KIAA1549: variants seen among roughly 807,000 people sequenced by gnomAD.
The protein encoded by KIAA1549 is UPF0606 protein KIAA1549.
In KIAA1549, 70 loss-of-function variants were observed where a neutral mutation model predicts 156.4. The ratio of observed to expected loss-of-function variants is 0.45; its 90% CI spans 0.37 to 0.55. KIAA1549 has a LOEUF of 0.55. Ranked by LOEUF, KIAA1549 falls within the 20% of genes least tolerant of loss-of-function variation. The probability of loss-of-function intolerance (pLI) is 0.00; values close to 1 mark genes in which losing one functional copy is unlikely to be tolerated. For synonymous variants in KIAA1549, 1,103 were observed against 1,066.4 expected (o/e 1.03, Z -0.67); for missense variants, 2,428 against 2,540.9 (o/e 0.96, Z 0.96).
At chr7:138,942,639 G>A (rs1191445193) in intron 1 of KIAA1549, among the ~76,000 whole-genome samples, 4 of 152,006 alleles carry the variant, frequency 2.6e-5, no homozygotes, top group South Asian at 2.1e-4. Flanking sequence ...GGCTGGGCAC[G>A]GTGACTCACG....
chr7:138,976,803 G>A (rs759539973), intron 1 of KIAA1549, among the ~76,000 whole-genome samples: 2 of 152,154 alleles, frequency 1.3e-5, no homozygotes, highest in African/African-American at 4.8e-5. Flanking sequence ...CCAATGCTCA[G>A]GGGCTAAAAC....
rs142340867 is a variant in KIAA1549, at chr7:138,933,638, CTG to C, written c.188-14202_188-14201del. On this transcript the variant is annotated intron_variant, in intron 1 of 19. Transcript: ENST00000422774. Reference sequence around the variant, plus strand: ...GCTGAATGAAGGGTATATGGGAACTCTGTGCATTAATTTGCCAACTTTATGTC... The same window carrying C: ...GCTGAATGAAGGGTATATGGGAACTCTGCATTAATTTGCCAACTTTATGTC... Among the ~76,000 whole-genome samples, 18 of 152,316 alleles carry C rather than the reference CTG, an allele frequency of 1.2e-4. No individual in the cohort carries two copies. In the East Asian group the frequency reaches 3.5e-3, roughly 29 times the overall value.
At chr7:138,889,628 A>G (rs1220025140) in intron 10 of KIAA1549, among the ~76,000 whole-genome samples, 2 of 152,198 alleles carry the variant, frequency 1.3e-5, no homozygotes, top group Admixed American at 6.5e-5. Context: ...AACCAAGAAA[A>G]CGGCACGTGT....
At chr7:138,869,833 A>G (rs530976539) in intron 13 of KIAA1549, 72 bp from the exon 14 acceptor site, 3 of 1,007,724 alleles carry the variant, frequency 3.0e-6, no homozygotes, top group Non-Finnish European at 4.4e-6. Context: ...CACTTCGCAA[A>G]GTCTTTATTT....
At chr7:138,962,178 T>C (rs1229255836) in intron 1 of KIAA1549, among the ~76,000 whole-genome samples, 1 of 152,200 alleles carries the variant, frequency 6.6e-6, no homozygotes, top group African/African-American at 2.4e-5. Context: ...ATCAACTTCC[T>C]AGAAGAATGC....
chr7:138,960,740 A>ACT (rs34096058), intron 1 of KIAA1549, among the ~76,000 whole-genome samples: 77,300 of 151,886 alleles, frequency 0.51, 23,020 homozygotes, highest in African/African-American at 0.84. Context: ...ATCTGCGGCC[A>ACT]GAGAGTAAAA....
At position 138,832,191 on chromosome 7, in the gene KIAA1549, CTTTTT is replaced by C. The variant is rs749938588; in HGVS notation, c.*5710_*5714del. 5.6e-4 allele frequency: 81 copies of C among 143,596 alleles called. 2 individuals are homozygous for C. The highest frequency in any genetic ancestry group is 1.0e-3 in the African/African-American group (31 of 30,008). The allele number at this position is 143,596 out of a possible 1,614,324, so 8.9% of individuals were successfully genotyped here. A position where few individuals can be genotyped will look rare whatever the true frequency, so the allele number is the denominator to read the frequency against. ...TCACCTCTGTCCCTTTTACCTATTC[CTTTTT>C]TTTTTTTTTTTTTTTCCAGAGACAG... On this transcript the variant is annotated 3_prime_UTR_variant, in exon 20 of 20. Coordinates refer to ENST00000422774, the MANE Select transcript of KIAA1549 (RefSeq NM_001164665.2).
chr7:138,947,187 CCA>C (rs1813361927), intron 1 of KIAA1549, among the ~76,000 whole-genome samples: 1 of 152,058 alleles, frequency 6.6e-6, no homozygotes, highest in Non-Finnish European at 1.5e-5. Context: ...ACCAGCTGAC[CCA>C]AGATGAAACG....
intron 10 of KIAA1549, among the ~76,000 whole-genome samples, chr7:138,888,907 T>C (rs1327792541): frequency 6.6e-6 from 1 of 152,234 alleles, no homozygotes. Flanking sequence ...GGATGCCACT[T>C]ATTCACAGCT....
chr7:138,846,103 T>C (rs1810064804), intron 17 of KIAA1549, among the ~76,000 whole-genome samples: 1 of 152,206 alleles, frequency 6.6e-6, no homozygotes, highest in Non-Finnish European at 1.5e-5. Context: ...GATTTATGAT[T>C]TTGACTGCCT....
rs1265067558 is a variant in KIAA1549 at position 138,834,068 on chromosome 7, CAA to C, written c.*3836_*3837del. 1.6e-4 allele frequency: 37 copies of C among 228,236 alleles called. No individual in the cohort carries two copies. In the East Asian group the frequency reaches 2.2e-3, roughly 14 times the overall value. 14.1% of individuals were successfully genotyped at this position (228,236 alleles called of 1,614,324 possible). A position where few individuals can be genotyped will look rare whatever the true frequency, so the allele number is the denominator to read the frequency against. ...TTTGCCTGGGTAGCTGCCCTGCCTTCAAAGTCACTTCAGAAGTTGACGTCTCC... is the reference window on the plus strand; with the variant it reads ...TTTGCCTGGGTAGCTGCCCTGCCTTCAGTCACTTCAGAAGTTGACGTCTCC... On this transcript the variant is annotated 3_prime_UTR_variant, in exon 20 of 20. Coordinates refer to ENST00000422774, the MANE Select transcript of KIAA1549 (RefSeq NM_001164665.2).
rs7809481 is a variant in KIAA1549, at chr7:138,925,309, A to G, written c.188-5871T>C. 6.7e-3 allele frequency among the ~76,000 whole-genome samples: 1,017 copies of G among 152,210 alleles called. 24 individuals carry two copies. The highest frequency in any genetic ancestry group is 0.024 in the African/African-American group (980 of 41,522). ...GAAATCTTCCTGAACCATAGTAGTC[A>G]ATCATGGAATCATGTACTTTTCAAG... On this transcript the variant is annotated intron_variant, in intron 1 of 19. Coordinates refer to ENST00000422774, the MANE Select transcript of KIAA1549 (RefSeq NM_001164665.2).
chr7:138,944,776 T>C (rs1456812322), intron 1 of KIAA1549, among the ~76,000 whole-genome samples: 1 of 152,198 alleles, frequency 6.6e-6, no homozygotes, highest in East Asian at 1.9e-4. Context: ...TTATGCTAAC[T>C]GAAAGCAGCC....
intron 19 of KIAA1549, 146 bp from the exon 20 acceptor site, chr7:138,838,306 AG>A: frequency 1.2e-6 from 1 of 825,638 alleles, no homozygotes; most frequent in Non-Finnish European, 1.8e-6. Context: ...CCTATGCTGC[AG>A]GTGAGGCGTG....
At position 138,844,230 on chromosome 7, in the gene KIAA1549, C is replaced by T. The variant is rs912491687; in HGVS notation, c.5452+87G>A. The T allele has an allele frequency of 6.1e-6, 9 of 1,478,454 alleles. No homozygotes were observed. In the African/African-American group the frequency reaches 6.9e-5, roughly 11 times the overall value. The allele number at this position is 1,478,454 out of a possible 1,614,324, so 91.6% of individuals were successfully genotyped here. A position where few individuals can be genotyped will look rare whatever the true frequency, so the allele number is the denominator to read the frequency against. ...AACAGCAGTGGCAGAGGCCTCTGCACACTGACACTCTGAGACACCTAAAAT... is the reference window on the plus strand; with the variant it reads ...AACAGCAGTGGCAGAGGCCTCTGCATACTGACACTCTGAGACACCTAAAAT... On this transcript the variant is annotated intron_variant, in intron 18 of 19. Coordinates refer to ENST00000422774, the MANE Select transcript of KIAA1549 (RefSeq NM_001164665.2).
chr7:138,923,266 G>C (rs1237456510), intron 1 of KIAA1549, among the ~76,000 whole-genome samples: 1 of 152,190 alleles, frequency 6.6e-6, no homozygotes, highest in African/African-American at 2.4e-5. Flanking sequence ...CAAATAGAAG[G>C]GTTATTGCCT....
chr7:138,871,383 A>G (rs758698049), intron 12 of KIAA1549, 21 bp from the exon 13 acceptor site: 14 of 1,496,086 alleles, frequency 9.4e-6, no homozygotes, highest in Non-Finnish European at 1.2e-5. Flanking sequence ...AGGAAAAGCA[A>G]AACACATACA....
chr7:138,942,610 C>T (rs989125137), intron 1 of KIAA1549, among the ~76,000 whole-genome samples: 2 of 151,880 alleles, frequency 1.3e-5, no homozygotes, highest in African/African-American at 4.8e-5. Context: ...CGCTCCCTTA[C>T]CCGCAAAAGT....
chr7:138,852,263 C>T lies in KIAA1549; in HGVS notation c.5254G>A (p.Glu1752Lys), dbSNP rs777800139. The change falls in exon 17 of 20, where the codon GAA becomes AAA. Residue 1752 changes from glutamate (E) to lysine (K), a missense_variant. Glu to Lys is a moderately conservative substitution (Grantham distance 56, BLOSUM62 1). Around this residue, in one of 5 missense-constraint regions of KIAA1549, gnomAD observed 363 missense variants for 354.0 expected, o/e 1.03. Coordinates refer to ENST00000422774, the MANE Select transcript of KIAA1549 (RefSeq NM_001164665.2). ...GTCGGGGGAGTCATTCCATAGTCTT[C>T]GTATCTCTGGAAGACATACAAAAGA... ...QTANNPCSRY[E>K]DYGMTPPTGP... The T allele has an allele frequency of 4.4e-6, 7 of 1,606,370 alleles. No individual in the cohort carries two copies. The highest frequency in any genetic ancestry group is 2.2e-5 in the East Asian group (1 of 44,754).
Sources: allele counts gnomAD v4.1 joint callset (sites outside exome capture counted in the v4.1 genomes callset), GRCh38; gene constraint gnomAD v4.1.1; regional missense constraint gnomAD v4.1.1; transcripts MANE v1.5; gene names NCBI Gene and HGNC (gene_info 2026-07-23, HGNC 2026-07-21).